Variants in ZNF552 observed in about 807,000 individuals in gnomAD.
ZNF552 encodes the protein zinc finger protein 552.
A neutral mutation model predicts 7.2 loss-of-function variants in ZNF552; 2 were observed. The ratio of observed to expected loss-of-function variants is 0.28; its 90% CI spans 0.11 to 0.88. The LOEUF (loss-of-function observed/expected upper bound fraction) is 0.88. Ranked by LOEUF, ZNF552 falls within the 40% of genes least tolerant of loss-of-function variation. The pLI is 0.60. For synonymous variants in ZNF552, 173 were observed against 176.5 expected, an observed-to-expected ratio of 0.98 and a Z score of 0.16; for missense variants, 421 against 493.4, an observed-to-expected ratio of 0.85 and a Z score of 1.39.
intron 2 of ZNF552, among the ~76,000 whole-genome samples, chr19:57,812,254 G>C (rs1987872696): frequency 6.6e-6 from 1 of 151,962 alleles, no homozygotes; most frequent in African/African-American, 2.4e-5. Flanking sequence ...AGACGATACA[G>C]AAATCATGTG....
At chr19:57,811,289 C>T (rs1361697938) in intron 2 of ZNF552, among the ~76,000 whole-genome samples, 2 of 152,134 alleles carry the variant, frequency 1.3e-5, no homozygotes, top group Non-Finnish European at 2.9e-5. Flanking sequence ...TCTCCTGCCT[C>T]AGCCTCTCCG....
chr19:57,808,667 A>G lies in ZNF552; in HGVS notation c.597T>C (p.Thr199=), dbSNP rs140332583. The G allele has an allele frequency of 1.8e-5, 29 of 1,614,190 alleles. No individual in the cohort carries two copies. The African/African-American group carries it at 2.1e-4, about 12-fold the overall frequency. ...ATHTGKSNSK[T]ECVSLFHGGK... ...CCCCATGAAACAGAGACACACACTC[A>G]GTTTTGCTGTTTGACTTCCCAGTGT... The change falls in exon 3 of 3, where the codon ACT becomes ACC. Residue 199 remains threonine, a synonymous_variant. Transcript: ENST00000391701.
chr19:57,813,771 G>C (rs1987903378), intron 1 of ZNF552, among the ~76,000 whole-genome samples: 1 of 120,826 alleles, frequency 8.3e-6, no homozygotes, highest in Non-Finnish European at 1.6e-5. Context: ...TTGATACGGA[G>C]TCTCGCTCTG....
chr19:57,811,068 C>A (rs944067887), intron 2 of ZNF552, among the ~76,000 whole-genome samples: 3 of 152,286 alleles, frequency 2.0e-5, no homozygotes, highest in Admixed American at 6.5e-5. Context: ...AGATAATGAT[C>A]AGTAAATACT....
At chr19:57,813,033 C>A (rs1987885260) in intron 2 of ZNF552, 1 of 507,842 alleles carries the variant, frequency 2.0e-6, no homozygotes, top group African/African-American at 1.9e-5. Flanking sequence ...ATCACACAAA[C>A]ATCCACAGGA....
In ZNF552 at chr19:57,813,733, T is replaced by G. The variant is rs562541432; in HGVS notation, c.34-313A>C. Among the ~76,000 whole-genome samples the G allele has an allele frequency of 5.7e-5, 7 of 122,334 alleles. No homozygotes were observed. The South Asian group carries it at 1.8e-3, about 32-fold the overall frequency. 80.3% of individuals were successfully genotyped at this position (122,334 alleles called of 152,430 possible). On this transcript the variant is annotated intron_variant, in intron 1 of 2. Coordinates refer to ENST00000391701, the MANE Select transcript of ZNF552 (RefSeq NM_024762.3). ...GATACCCTCTCTGAACGCACCTCATTCTTTTTTTTTTTTTTTTTTTTTTTT... is the reference window on the plus strand; with the variant it reads ...GATACCCTCTCTGAACGCACCTCATGCTTTTTTTTTTTTTTTTTTTTTTTT...
intron 1 of ZNF552, 141 bp downstream of exon 1, chr19:57,814,570 A>C (rs775547479): frequency 3.2e-6 from 5 of 1,556,646 alleles, no homozygotes; most frequent in Non-Finnish European, 4.3e-6. Flanking sequence ...GGTGTCTGAA[A>C]CAGGGATCCC....
At chr19:57,814,286 C>T (rs1046208117) in intron 1 of ZNF552, 9 of 596,454 alleles carry the variant, frequency 1.5e-5, no homozygotes, top group Non-Finnish European at 2.4e-5. Context: ...ACGTCATCCC[C>T]TCTCTACTCT....
intron 2 of ZNF552, 79 bp downstream of exon 2, chr19:57,813,215 G>T: frequency 6.3e-7 from 1 of 1,592,450 alleles, no homozygotes; most frequent in East Asian, 2.2e-5. Flanking sequence ...CTCCTGACAT[G>T]AGAAAGTCTT....
chr19:57,809,013 C>G lies in ZNF552; in HGVS notation c.251G>C (p.Gly84Ala). 3 of 1,568,616 alleles carry G rather than the reference C, an allele frequency of 1.9e-6. No individual in the cohort carries two copies. The Middle Eastern group carries it at 6.1e-4, about 321-fold the overall frequency. The change falls in exon 3 of 3, where the codon GGT becomes GCT. Residue 84 changes from glycine (G) to alanine (A), a missense_variant. Coordinates refer to ENST00000391701, the MANE Select transcript of ZNF552 (RefSeq NM_024762.3). ...RETQVRTPMA[G>A]VSPKKAHPCE... ...GGGGTGGGCCTTCTTGGGAGACACACCTGCCATAGGAGTCCTGACCTGAGT... is the reference window on the plus strand; with the variant it reads ...GGGGTGGGCCTTCTTGGGAGACACAGCTGCCATAGGAGTCCTGACCTGAGT...
intron 2 of ZNF552, among the ~76,000 whole-genome samples, chr19:57,810,012 C>G (rs1987823304): frequency 6.6e-6 from 1 of 152,034 alleles, no homozygotes; most frequent in Non-Finnish European, 1.5e-5. Context: ...GAGACTGAGG[C>G]TGGAGGATCA....
In ZNF552 at chr19:57,808,721, C is replaced by T. The variant is rs1340680833; in HGVS notation, c.543G>A (p.Arg181=). ...FSESGKDFLL[R]SGLLQQEATH... ...TGGCCTCTTGCTGGAGTAATCCTGA[C>T]CTGAGCAAAAAGTCTTTCCCACTCT... The change falls in exon 3 of 3, where the codon AGG becomes AGA. Residue 181 remains arginine, a synonymous_variant. Coordinates refer to ENST00000391701, the MANE Select transcript of ZNF552 (RefSeq NM_024762.3). 1.2e-6 allele frequency: 2 copies of T among 1,614,194 alleles called. No homozygotes were observed. Among genetic ancestry groups the T allele is most frequent in the Non-Finnish European group, 1.7e-6 (2 of 1,180,038 alleles).
chr19:57,807,542 G>A lies in ZNF552; in HGVS notation c.*498C>T, dbSNP rs147134439. 4.0e-4 allele frequency: 61 copies of A among 154,184 alleles called. No individual in the cohort carries two copies. The highest frequency in any genetic ancestry group is 2.3e-3 in the Admixed American group (36 of 15,634). The allele number at this position is 154,184 out of a possible 1,614,324, so 9.6% of individuals were successfully genotyped here. On this transcript the variant is annotated 3_prime_UTR_variant, in exon 3 of 3. Transcript: ENST00000391701. ...TGTACTCCAGCCTGGGTGACAGAGC[G>A]AGGCTGTCTCAAAAAAAAGAAAAAG...
At chr19:57,810,740 T>C (rs1987839330) in intron 2 of ZNF552, among the ~76,000 whole-genome samples, 3 of 152,130 alleles carry the variant, frequency 2.0e-5, no homozygotes, top group Admixed American at 2.0e-4. Flanking sequence ...TGAGGATTAG[T>C]AAAAGAGGAA....
At chr19:57,812,931 A>T (rs1987884172) in intron 2 of ZNF552, 1 of 304,106 alleles carries the variant, frequency 3.3e-6, no homozygotes, top group Admixed American at 4.6e-5. Context: ...AGGCAGTGAC[A>T]ATGTCAATGA....
chr19:57,812,789 G>A (rs1327828476), intron 2 of ZNF552, among the ~76,000 whole-genome samples: 1 of 152,080 alleles, frequency 6.6e-6, no homozygotes, highest in Non-Finnish European at 1.5e-5. Context: ...GGCTGTTCTC[G>A]AACTCCTGGC....
rs779445904 is a variant in ZNF552 at position 57,808,689 on chromosome 19, G to C, written c.575C>G (p.Thr192Ser). The C allele has an allele frequency of 5.6e-6, 9 of 1,614,202 alleles. No homozygotes were observed. The highest frequency in any genetic ancestry group is 7.6e-6 in the Non-Finnish European group (9 of 1,180,036). ...SGLLQQEATH[T>S]GKSNSKTECV... Reference sequence around the variant, plus strand: ...CTCAGTTTTGCTGTTTGACTTCCCAGTGTGAGTGGCCTCTTGCTGGAGTAA... The same window carrying C: ...CTCAGTTTTGCTGTTTGACTTCCCACTGTGAGTGGCCTCTTGCTGGAGTAA... The change falls in exon 3 of 3, where the codon ACT becomes AGT. Residue 192 changes from threonine (T) to serine (S), a missense_variant. Physicochemically the swap from Thr to Ser is moderately conservative, Grantham distance 58 (BLOSUM62 1). This residue lies in a region of ZNF552 where 299 missense variants were observed against 293.7 expected (regional missense o/e 1.02). Transcript: ENST00000391701.
At chr19:57,809,750 T>G (rs1027744330) in intron 2 of ZNF552, among the ~76,000 whole-genome samples, 1 of 151,714 alleles carries the variant, frequency 6.6e-6, no homozygotes, top group Non-Finnish European at 1.5e-5. Flanking sequence ...GTAAACCCAA[T>G]GTAGGAAGAT....
chr19:57,808,457 C>G lies in ZNF552; in HGVS notation c.807G>C (p.Thr269=), dbSNP rs376998407. The change falls in exon 3 of 3, where the codon ACG becomes ACC. Residue 269 remains threonine (T), a synonymous_variant. Coordinates refer to ENST00000391701, the MANE Select transcript of ZNF552 (RefSeq NM_024762.3). The part of the protein sequence containing the change: ...QGVHTREKPY[T]CGICGKLFNS... ...TAAATAATTTCCCACATATCCCACA[C>G]GTATAAGGTTTTTCTCTAGTGTGAA... is the stretch of plus-strand genomic sequence containing the variant. 6.2e-7 allele frequency: 1 copy of G among 1,613,838 alleles called. No individual in the cohort carries two copies. Among genetic ancestry groups the G allele is most frequent in the Admixed American group, 1.7e-5 (1 of 60,000 alleles).
Sources: allele counts gnomAD v4.1 joint callset (sites outside exome capture counted in the v4.1 genomes callset), GRCh38; gene constraint gnomAD v4.1.1; regional missense constraint gnomAD v4.1.1; transcripts MANE v1.5; gene names NCBI Gene and HGNC (gene_info 2026-07-23, HGNC 2026-07-21).